The following STPG2 variants were observed in gnomAD, a reference collection of about 807,000 sequenced individuals.
STPG2 encodes the protein sperm tail PG-rich repeat containing 2, also known as sperm-tail PG-rich repeat-containing protein 2.
Under a neutral mutation model 54.2 loss-of-function variants are expected in STPG2, and 56 were observed. The ratio of observed to expected loss-of-function variants is 1.03; its 90% CI spans 0.83 to 1.29. STPG2 has a LOEUF of 1.29. Ranked by LOEUF, STPG2 falls within the 50% of genes most tolerant of loss-of-function variation. The probability of loss-of-function intolerance (pLI) is 0.00; values close to 1 mark genes in which losing one functional copy is unlikely to be tolerated. For synonymous variants in STPG2, 200 were observed against 181.8 expected (o/e 1.10, Z -0.81); for missense variants, 596 against 544.9 (o/e 1.09, Z -0.93).
chr4:97,555,119 T>C (rs1732047751), downstream of STPG2, among the ~76,000 whole-genome samples: 1 of 152,166 alleles, frequency 6.6e-6, no homozygotes. Context: ...AACATACTTC[T>C]CCCTTGTTCT....
In STPG2 at chr4:98,018,249, T is replaced by C. The variant is rs546028062; in HGVS notation, c.613-36931A>G. Among the ~76,000 whole-genome samples the C allele has an allele frequency of 4.2e-3, 642 of 151,986 alleles. 3 individuals carry two copies. Among genetic ancestry groups the C allele is most frequent in the South Asian group, 0.024 (117 of 4,796 alleles). On this transcript the variant is annotated intron_variant, in intron 5 of 10. Coordinates refer to ENST00000295268, the MANE Select transcript of STPG2 (RefSeq NM_174952.3). ...GTTCTCATTATTCAATTCCCACCTATGAGGGAGAACATGCGGTGTTTGGTT... is the reference window on the plus strand; with the variant it reads ...GTTCTCATTATTCAATTCCCACCTACGAGGGAGAACATGCGGTGTTTGGTT...
chr4:97,534,892 G>A (rs1241482628), intron 4 of STPG2, among the ~76,000 whole-genome samples: 2 of 152,068 alleles, frequency 1.3e-5, no homozygotes, highest in Non-Finnish European at 2.9e-5. Flanking sequence ...TTTTAAGTTG[G>A]CTTATTTCAT....
In STPG2 at chr4:97,872,081, G is replaced by T. The variant is rs549345935; in HGVS notation, c.1045-31149C>A. Among the ~76,000 whole-genome samples, 78 of 151,044 alleles carry T rather than the reference G, an allele frequency of 5.2e-4. 1 individual carries two copies. The South Asian group carries it at 9.1e-3, about 18-fold the overall frequency. ...AATGTTAGAAAGACCTTTAACAAAG[G>T]TTAATACCTACTCACAATTTTAACA... On this transcript the variant is annotated intron_variant, in intron 8 of 10. Transcript: ENST00000295268.
At chr4:98,108,620 T>C (rs1284019034) in intron 4 of STPG2, among the ~76,000 whole-genome samples, 1 of 152,122 alleles carries the variant, frequency 6.6e-6, no homozygotes, top group Non-Finnish European at 1.5e-5. Flanking sequence ...TTTATCTACT[T>C]TATAATTAAG....
chr4:97,827,236 C>CTTTTTT (rs34545198), intron 9 of STPG2, among the ~76,000 whole-genome samples: 1 of 129,958 alleles, frequency 7.7e-6, no homozygotes, highest in Non-Finnish European at 1.6e-5. Context: ...CTATAGACAG[C>CTTTTTT]TTTTTTTTTT....
chr4:97,609,117 GT>G (rs1165821018), intron 10 of STPG2, among the ~76,000 whole-genome samples: 11 of 152,056 alleles, frequency 7.2e-5, no homozygotes, highest in Middle Eastern at 3.4e-3. Context: ...TCAAAACAAA[GT>G]TTTAATACCT....
intron 9 of STPG2, 52 bp downstream of exon 9, chr4:97,840,721 G>A (rs2149121336): frequency 6.4e-7 from 1 of 1,550,694 alleles, no homozygotes; most frequent in Admixed American, 2.1e-5. Context: ...ATTTTAATAT[G>A]GAAACCTTAG....
intron 10 of STPG2, among the ~76,000 whole-genome samples, chr4:97,615,959 C>A (rs1360305420): frequency 2.0e-5 from 3 of 147,730 alleles, no homozygotes. Context: ...ATCACTTGAA[C>A]CTGGGAAGTA....
intron 10 of STPG2, among the ~76,000 whole-genome samples, chr4:97,656,857 C>T (rs1477697634): frequency 6.6e-6 from 1 of 151,492 alleles, no homozygotes; most frequent in Non-Finnish European, 1.5e-5. Flanking sequence ...TGTATTTGCC[C>T]TGTAATTTTA....
chr4:97,820,449 T>G (rs2149104165), intron 9 of STPG2, among the ~76,000 whole-genome samples: 1 of 152,266 alleles, frequency 6.6e-6, no homozygotes, highest in Admixed American at 6.5e-5. Flanking sequence ...GAAAGCATGT[T>G]GAAAGCAAAA....
chr4:97,683,512 GA>G (rs1197812336), intron 10 of STPG2, among the ~76,000 whole-genome samples: 2 of 151,510 alleles, frequency 1.3e-5, no homozygotes, highest in Non-Finnish European at 3.0e-5. Context: ...TTTGGATCAG[GA>G]AAAAAATCAT....
At chr4:97,515,519 T>G (rs577114043) in intron 4 of STPG2, among the ~76,000 whole-genome samples, 2 of 152,018 alleles carry the variant, frequency 1.3e-5, no homozygotes, top group Admixed American at 1.3e-4. Context: ...AGTCAACCAC[T>G]GTCTCCAGAG....
At position 97,753,365 on chromosome 4, in the gene STPG2, G is replaced by C. The variant is rs553345747; in HGVS notation, c.1205-40551C>G. Among the ~76,000 whole-genome samples the C allele has an allele frequency of 5.9e-5, 9 of 151,964 alleles. No homozygotes were observed. In the South Asian group the frequency reaches 1.9e-3, roughly 32 times the overall value. On this transcript the variant is annotated intron_variant, in intron 9 of 10. Coordinates refer to ENST00000295268, the MANE Select transcript of STPG2 (RefSeq NM_174952.3). ...TTCTGTGTCTGGCTTATTTCATTAAGCATCATATTTTCAAGCTCTATCCAT... is the reference window on the plus strand; with the variant it reads ...TTCTGTGTCTGGCTTATTTCATTAACCATCATATTTTCAAGCTCTATCCAT...
downstream of STPG2, among the ~76,000 whole-genome samples, chr4:97,557,114 G>A (rs1190504137): frequency 6.6e-6 from 1 of 152,116 alleles, no homozygotes; most frequent in Non-Finnish European, 1.5e-5. Context: ...CTGGGAGGCG[G>A]AGGTTGCAGT....
At chr4:98,011,161 C>A (rs1578777674) in intron 5 of STPG2, among the ~76,000 whole-genome samples, 1 of 152,048 alleles carries the variant, frequency 6.6e-6, no homozygotes, top group African/African-American at 2.4e-5. Context: ...CTCCCTATGT[C>A]CATGAGTTCT....
intron 9 of STPG2, among the ~76,000 whole-genome samples, chr4:97,727,216 A>G (rs1488277482): frequency 6.6e-6 from 1 of 151,922 alleles, no homozygotes; most frequent in African/African-American, 2.4e-5. Context: ...GTGTATATGT[A>G]AATGTATTTA....
At position 97,936,354 on chromosome 4, in the gene STPG2, T is replaced by A. The variant is rs538942757; in HGVS notation, c.1044+7543A>T. ...AATTTGCGGGTCTGTGCTTTTTAAC[T>A]GGGGCATTTAGCCTATTTACATTTG... On this transcript the variant is annotated intron_variant, in intron 8 of 10. Transcript: ENST00000295268. Among the ~76,000 whole-genome samples the A allele has an allele frequency of 5.9e-5, 9 of 152,314 alleles. No individual in the cohort carries two copies. In the South Asian group the frequency reaches 1.2e-3, roughly 21 times the overall value.
At chr4:98,039,769 A>G (rs1302901191) in intron 5 of STPG2, among the ~76,000 whole-genome samples, 1 of 151,702 alleles carries the variant, frequency 6.6e-6, no homozygotes, top group Admixed American at 6.6e-5. Flanking sequence ...ACTATTGTGA[A>G]GAGTGCTGTG....
At chr4:97,904,726 G>A (rs1020389399) in intron 8 of STPG2, among the ~76,000 whole-genome samples, 1 of 152,150 alleles carries the variant, frequency 6.6e-6, no homozygotes, top group Admixed American at 6.5e-5. Flanking sequence ...TTAGAAGAAT[G>A]TATAACTAGA....
Sources: allele counts gnomAD v4.1 joint callset (sites outside exome capture counted in the v4.1 genomes callset), GRCh38; gene constraint gnomAD v4.1.1; transcripts MANE v1.5; gene names NCBI Gene and HGNC (gene_info 2026-07-23, HGNC 2026-07-21).